The following EYA4 variants were observed in gnomAD, a reference collection of about 807,000 sequenced individuals.
EYA4 encodes the protein protein phosphatase EYA4.
EYA4 carries 31 observed loss-of-function variants against 87.9 expected under a neutral mutation model. The observed-to-expected ratio is 0.35, with a 90% CI of 0.27 to 0.48. The LOEUF (loss-of-function observed/expected upper bound fraction) is 0.48. Ranked by LOEUF, EYA4 falls within the 20% of genes least tolerant of loss-of-function variation. EYA4 has a pLI of 0.99. For synonymous variants in EYA4, 263 were observed against 270.6 expected (o/e 0.97, Z 0.28); for missense variants, 678 against 761.4 (o/e 0.89, Z 1.29).
chr6:133,273,097 G>GTATATATATATATATA (rs3065331), intron 1 of EYA4, among the ~76,000 whole-genome samples: 4 of 106,636 alleles, frequency 3.8e-5, no homozygotes, highest in Admixed American at 1.1e-4. Context: ...ATATATATAT[G>GTATATATATATATATA]TATATATATA....
Position 133,342,605 on chromosome 6 carries a change from A to ATATATATATATATATATC in EYA4, c.34-39787_34-39786insTATATATATATATATATC, listed in dbSNP as rs1485897156. ...TATATATATATATATATATATATAT[A>ATATATATATATATATATC]ATTCTTTATATTTCTCTGGGCTTAA... is the stretch of plus-strand genomic sequence containing the variant. On this transcript the variant is annotated intron_variant, in intron 2 of 19. Transcript: ENST00000355286. Among the ~76,000 whole-genome samples the ATATATATATATATATATC allele has an allele frequency of 5.3e-3, 689 of 130,318 alleles. 41 individuals are homozygous for ATATATATATATATATATC. The highest frequency in any genetic ancestry group is 0.021 in the African/African-American group (643 of 30,426). 85.5% of individuals were successfully genotyped at this position (130,318 alleles called of 152,430 possible).
chr6:133,504,198 G>A (rs867753563), intron 13 of EYA4, among the ~76,000 whole-genome samples: 2 of 152,188 alleles, frequency 1.3e-5, no homozygotes, highest in South Asian at 4.1e-4. Flanking sequence ...GAACACAGGC[G>A]TGAGCCACTG....
At chr6:133,412,968 A>G (rs922052475) in intron 3 of EYA4, among the ~76,000 whole-genome samples, 2 of 152,160 alleles carry the variant, frequency 1.3e-5, no homozygotes, top group East Asian at 3.9e-4. Flanking sequence ...CTTCCATTAG[A>G]TAGGATGCAG....
chr6:133,398,281 G>A (rs563823852), intron 3 of EYA4, among the ~76,000 whole-genome samples: 2 of 152,300 alleles, frequency 1.3e-5, no homozygotes, highest in Admixed American at 1.3e-4. Context: ...GGGTGAGGGA[G>A]TTATTGAGAC....
chr6:133,420,730 C>A lies in EYA4; in HGVS notation c.84-25900C>A, dbSNP rs566822787. On this transcript the variant is annotated intron_variant, in intron 3 of 19. Transcript: ENST00000355286. ...AACTTTGCTAAACTTGTGGTGTGCC[C>A]ATAGGTGACAGTAAGCTAAAATGCT... 6.3e-4 allele frequency among the ~76,000 whole-genome samples: 96 copies of A among 152,312 alleles called. No individual in the cohort carries two copies. In the South Asian group the frequency reaches 0.02, roughly 31 times the overall value.
chr6:133,308,319 A>G (rs1315190332), intron 2 of EYA4, among the ~76,000 whole-genome samples: 1 of 152,198 alleles, frequency 6.6e-6, no homozygotes, highest in African/African-American at 2.4e-5. Flanking sequence ...AACTCACCCA[A>G]ATCACATATG....
At chr6:133,371,591 TCTCTAC>T (rs1785270515) in intron 2 of EYA4, among the ~76,000 whole-genome samples, 2 of 152,290 alleles carry the variant, frequency 1.3e-5, no homozygotes, top group Non-Finnish European at 2.9e-5. Flanking sequence ...CAATTTTTTA[TCTCTAC>T]TTTGGTTTTT....
chr6:133,282,972 C>T (rs1300516963), intron 2 of EYA4, among the ~76,000 whole-genome samples: 1 of 152,110 alleles, frequency 6.6e-6, no homozygotes, highest in East Asian at 1.9e-4. Context: ...ATATTGTTAT[C>T]TAATAATTCT....
At chr6:133,334,787 T>A (rs2128392967) in intron 2 of EYA4, among the ~76,000 whole-genome samples, 1 of 152,224 alleles carries the variant, frequency 6.6e-6, no homozygotes, top group African/African-American at 2.4e-5. Context: ...CTGAAGATCT[T>A]GGTAAGTATT....
At chr6:133,408,423 T>C (rs1450721354) in intron 3 of EYA4, among the ~76,000 whole-genome samples, 1 of 152,182 alleles carries the variant, frequency 6.6e-6, no homozygotes, top group Non-Finnish European at 1.5e-5. Context: ...AAAATACATA[T>C]ATATTTGGTC....
At chr6:133,354,481 G>A (rs1783868651) in intron 2 of EYA4, among the ~76,000 whole-genome samples, 2 of 152,076 alleles carry the variant, frequency 1.3e-5, no homozygotes, top group African/African-American at 2.4e-5. Context: ...ATACGTTTAA[G>A]GTTCACATGT....
At chr6:133,373,009 T>C (rs1024167389) in intron 2 of EYA4, among the ~76,000 whole-genome samples, 1 of 152,098 alleles carries the variant, frequency 6.6e-6, no homozygotes, top group African/African-American at 2.4e-5. Flanking sequence ...ACAAAACTTT[T>C]GCATATGAAT....
At chr6:133,377,890 G>A (rs1785838896) in intron 2 of EYA4, among the ~76,000 whole-genome samples, 1 of 151,926 alleles carries the variant, frequency 6.6e-6, no homozygotes, top group African/African-American at 2.4e-5. Context: ...GAAATCCACT[G>A]TACAGAACAG....
At chr6:133,267,853 G>GAA (rs548589463) in intron 1 of EYA4, among the ~76,000 whole-genome samples, 169 of 152,194 alleles carry the variant, frequency 1.1e-3, no homozygotes, top group South Asian at 6.0e-3. Flanking sequence ...TACTTCTTAG[G>GAA]AAAGTTAATA....
At chr6:133,244,062 T>C (rs969802771) in intron 1 of EYA4, among the ~76,000 whole-genome samples, 1 of 152,256 alleles carries the variant, frequency 6.6e-6, no homozygotes, top group Non-Finnish European at 1.5e-5. Flanking sequence ...AGCTACAGCT[T>C]TGAAAGCAAC....
intron 3 of EYA4, among the ~76,000 whole-genome samples, chr6:133,438,268 T>G (rs533453115): frequency 1.0e-3 from 157 of 152,056 alleles, no homozygotes; most frequent in South Asian, 1.7e-3. Flanking sequence ...TCCTGTGGAC[T>G]GGAATGTAGA....
chr6:133,366,683 A>G (rs367992749), intron 2 of EYA4, among the ~76,000 whole-genome samples: 42 of 152,180 alleles, frequency 2.8e-4, no homozygotes, highest in African/African-American at 9.1e-4. Context: ...TGGCATGGAC[A>G]TGATTTGTTA....
At chr6:133,454,530 C>T (rs1793741980) in intron 5 of EYA4, among the ~76,000 whole-genome samples, 1 of 152,098 alleles carries the variant, frequency 6.6e-6, no homozygotes, top group African/African-American at 2.4e-5. Flanking sequence ...CGTTATTTAA[C>T]CTTTTTGTGC....
intron 3 of EYA4, among the ~76,000 whole-genome samples, chr6:133,417,037 C>T (rs922874006): frequency 1.1e-4 from 16 of 152,060 alleles, no homozygotes; most frequent in Admixed American, 9.8e-4. Context: ...CTATTCTGAT[C>T]GTTATTTGAA....
Sources: gnomAD v4.1 joint callset for allele counts (sites outside exome capture counted in the v4.1 genomes callset) on GRCh38, gnomAD v4.1.1 for gene constraint, MANE v1.5 for transcripts, NCBI Gene and HGNC (gene_info 2026-07-23, HGNC 2026-07-21) for gene names.